OSR2: variants seen among roughly 807,000 people sequenced by gnomAD.
OSR2 encodes the protein protein odd-skipped-related 2.
In OSR2, 8 loss-of-function variants were observed where a neutral mutation model predicts 22.3. The ratio of observed to expected loss-of-function variants is 0.36; its 90% CI spans 0.21 to 0.65. The LOEUF is 0.65. Among genes scored for constraint, OSR2 ranks in the 30% least tolerant of loss-of-function variants. The pLI is 0.66. For synonymous variants in OSR2, 179 were observed against 173.8 expected, an observed-to-expected ratio of 1.03 and a Z score of -0.23; for missense variants, 311 against 413.4, an observed-to-expected ratio of 0.75 and a Z score of 2.15.
chr8:98,945,213 C>T (rs1840571422), intron 1 of OSR2, among the ~76,000 whole-genome samples: 1 of 152,242 alleles, frequency 6.6e-6, no homozygotes, highest in Non-Finnish European at 1.5e-5. Flanking sequence ...CGTGGACGGG[C>T]CCGGACACCC....
rs1294613329 is a variant in OSR2 at position 98,948,765 on chromosome 8, C to T, written c.-114-74C>T. On this transcript the variant is annotated intron_variant, in intron 1 of 3. Coordinates refer to ENST00000297565, the MANE Select transcript of OSR2 (RefSeq NM_001142462.3). The surrounding 1 kb of genome is among the most constrained non-coding windows in gnomAD (Gnocchi z 6.0). ...GGAGACTTAGGTGTGGTAACCTGCG[C>T]AGGTGCCAAAGGGCAGAAGGAGCAG... is the stretch of plus-strand genomic sequence containing the variant. The T allele has an allele frequency of 6.9e-7, 1 of 1,439,252 alleles. No homozygotes were observed. Among genetic ancestry groups the T allele is most frequent in the African/African-American group, 1.4e-5 (1 of 70,282 alleles). 89.2% of individuals were successfully genotyped at this position (1,439,252 alleles called of 1,614,324 possible).
At position 98,944,482 on chromosome 8, in the gene OSR2, C is replaced by T. The variant is rs1011178413; in HGVS notation, c.-456C>T. On this transcript the variant is annotated 5_prime_UTR_variant, in exon 1 of 4. Coordinates refer to ENST00000297565, the MANE Select transcript of OSR2 (RefSeq NM_001142462.3). Reference sequence around the variant, plus strand: ...GCGGGCGGGGACGGAGCTCGGCGTGCTTGCTGCTGGAGGGTGATGGCCCTG... The same window carrying T: ...GCGGGCGGGGACGGAGCTCGGCGTGTTTGCTGCTGGAGGGTGATGGCCCTG... 1 of 152,298 alleles carries T rather than the reference C, an allele frequency of 6.6e-6. No individual in the cohort carries two copies. The highest frequency in any genetic ancestry group is 2.4e-5 in the African/African-American group (1 of 41,460). 9.4% of individuals were successfully genotyped at this position (152,298 alleles called of 1,614,324 possible).
At chr8:98,950,467 T>C (rs1265214464) in intron 2 of OSR2, among the ~76,000 whole-genome samples, 189 bp from the exon 3 acceptor site, 1 of 151,684 alleles carries the variant, frequency 6.6e-6, no homozygotes, top group Non-Finnish European at 1.5e-5. Context: ...CGCGGGCTGG[T>C]GAATATTTTG....
Position 98,951,603 on chromosome 8 carries a change from A to G in OSR2, c.841A>G (p.Ile281Val), listed in dbSNP as rs1161354012. The G allele has an allele frequency of 1.9e-6, 3 of 1,613,844 alleles. No homozygotes were observed. The African/African-American group carries it at 4.0e-5, about 22-fold the overall frequency. The change falls in exon 4 of 4, where the codon ATC (isoleucine) becomes GTC (valine). Residue 281 changes from isoleucine to valine, a missense_variant. Around this residue, in one of 5 missense-constraint regions of OSR2, gnomAD observed 70 missense variants for 84.5 expected, o/e 0.83. Transcript: ENST00000297565. ...AACTCACCTTCTCACCCATACAGACATCAAGCCCTACAGCTGCGAGCAGTG... is the reference window on the plus strand; with the variant it reads ...AACTCACCTTCTCACCCATACAGACGTCAAGCCCTACAGCTGCGAGCAGTG... ...LKTHLLTHTDIKPYSCEQCGK... is the reference protein window; with the variant it reads ...LKTHLLTHTDVKPYSCEQCGK...
At position 98,949,703 on chromosome 8, in the gene OSR2, C is replaced by A; in HGVS notation, c.656+95C>A. The A allele has an allele frequency of 7.1e-7, 1 of 1,418,294 alleles. No homozygotes were observed. The highest frequency in any genetic ancestry group is 2.3e-5 in the East Asian group (1 of 43,316). The allele number at this position is 1,418,294 out of a possible 1,614,324, so 87.9% of individuals were successfully genotyped here. On this transcript the variant is annotated intron_variant, in intron 2 of 3. Transcript: ENST00000297565. This position sits in a 1 kb window ranked among gnomAD's most constrained non-coding sequence, Gnocchi z 5.9. ...GACATTCCCAGTGTCATTATAATCC[C>A]CTGTGATCTAAAATACACCCTCAGT...
chr8:98,948,077 G>T lies in OSR2; in HGVS notation c.-114-762G>T. 1 of 1,324,856 alleles carries T rather than the reference G, an allele frequency of 7.5e-7. No homozygotes were observed. Among genetic ancestry groups the T allele is most frequent in the Non-Finnish European group, 9.7e-7 (1 of 1,034,766 alleles). The allele number at this position is 1,324,856 out of a possible 1,614,324, so 82.1% of individuals were successfully genotyped here. A position where few individuals can be genotyped will look rare whatever the true frequency, so the allele number is the denominator to read the frequency against. ...GGAAGGGATCTTAGTCGGGGGTTGG[G>T]AGGAGAGCCCGTGGATAGGAGGAGG... On this transcript the variant is annotated intron_variant, in intron 1 of 3. Transcript: ENST00000297565. This position sits in a 1 kb window ranked among gnomAD's most constrained non-coding sequence, Gnocchi z 6.0.
intron 1 of OSR2, among the ~76,000 whole-genome samples, chr8:98,945,581 A>C (rs1024016981): frequency 3.3e-5 from 5 of 152,214 alleles, no homozygotes; most frequent in African/African-American, 9.6e-5. Flanking sequence ...TGGGCAGAAC[A>C]AGAAAATTAC....
Position 98,948,376 on chromosome 8 carries a change from G to A in OSR2, c.-114-463G>A, listed in dbSNP as rs1462059926. The A allele has an allele frequency of 4.0e-6, 6 of 1,488,838 alleles. No individual in the cohort carries two copies. In the African/African-American group the frequency reaches 7.1e-5, roughly 18 times the overall value. 92.2% of individuals were successfully genotyped at this position (1,488,838 alleles called of 1,614,324 possible). ...GCGCGTGGGATCTCACGACCCATCC[G>A]TTAACCCACCGTTCCCAGGAGCTCC... On this transcript the variant is annotated intron_variant, in intron 1 of 3. Coordinates refer to ENST00000297565, the MANE Select transcript of OSR2 (RefSeq NM_001142462.3). The surrounding 1 kb of genome is among the most constrained non-coding windows in gnomAD (Gnocchi z 6.0).
chr8:98,947,538 TG>T lies in OSR2; in HGVS notation c.-114-1299del, dbSNP rs540751437. Among the ~76,000 whole-genome samples, 260 of 152,284 alleles carry T rather than the reference TG, an allele frequency of 1.7e-3. 2 individuals carry two copies. Among genetic ancestry groups the T allele is most frequent in the South Asian group, 6.0e-3 (29 of 4,826 alleles). ...GGGTCTGCCCTCAGAGGGAAGGCCC[TG>T]GTCCCCCGAACTGGCAGAACTCCTT... On this transcript the variant is annotated intron_variant, in intron 1 of 3. Coordinates refer to ENST00000297565, the MANE Select transcript of OSR2 (RefSeq NM_001142462.3).
At position 98,948,946 on chromosome 8, in the gene OSR2, C is replaced by G. The variant is rs749531321; in HGVS notation, c.-7C>G. ...TGGTCCCCTCAGCACCCCCAGCATC[C>G]CGGAAAATGGGGAGCAAGGCTCTGC... On this transcript the variant is annotated 5_prime_UTR_variant, in exon 2 of 4. Transcript: ENST00000297565. The surrounding 1 kb of genome is among the most constrained non-coding windows in gnomAD (Gnocchi z 6.0). The G allele has an allele frequency of 1.9e-6, 3 of 1,613,940 alleles. No individual in the cohort carries two copies. The highest frequency in any genetic ancestry group is 1.6e-4 in the Middle Eastern group (1 of 6,062).
At chr8:98,947,652 T>G (rs1840647151) in intron 1 of OSR2, among the ~76,000 whole-genome samples, 1 of 152,174 alleles carries the variant, frequency 6.6e-6, no homozygotes, top group Non-Finnish European at 1.5e-5. Flanking sequence ...AAATCAGACC[T>G]GTGTTGCCAT....
intron 1 of OSR2, among the ~76,000 whole-genome samples, chr8:98,945,085 A>G (rs965958278): frequency 4.6e-5 from 7 of 152,158 alleles, no homozygotes; most frequent in Non-Finnish European, 1.0e-4. Flanking sequence ...GGTCAGCAAG[A>G]CTTCTTATAA....
intron 2 of OSR2, 126 bp from the exon 3 acceptor site, chr8:98,950,530 A>G: frequency 3.1e-6 from 2 of 655,138 alleles, no homozygotes; most frequent in Admixed American, 3.0e-5. Context: ...AAAAAAAAAA[A>G]TCTAAAAACG....
chr8:98,950,970 A>T, intron 3 of OSR2: 1 of 602,710 alleles, frequency 1.7e-6, no homozygotes, highest in South Asian at 2.1e-5. Flanking sequence ...GGCCACTTTG[A>T]TTATCATAAA....
chr8:98,949,275 C>T lies in OSR2; in HGVS notation c.323C>T (p.Ala108Val), dbSNP rs777273417. The T allele has an allele frequency of 6.2e-7, 1 of 1,612,936 alleles. No individual in the cohort carries two copies. Among genetic ancestry groups the T allele is most frequent in the South Asian group, 1.1e-5 (1 of 90,902 alleles). ...KQGAIAHVLPALHKDRPRFDF... is the reference protein window; with the variant it reads ...KQGAIAHVLPVLHKDRPRFDF... ...GGGGCCATTGCCCACGTCCTCCCAG[C>T]CCTGCACAAGGACCGGCCCCGTTTT... Residue 108 changes from alanine to valine, a missense_variant, in exon 2 of 4, where the codon GCC (alanine) becomes GTC (valine). Around this residue, in one of 5 missense-constraint regions of OSR2, gnomAD observed 146 missense variants for 160.5 expected, o/e 0.91. Coordinates refer to ENST00000297565, the MANE Select transcript of OSR2 (RefSeq NM_001142462.3). The surrounding 1 kb of genome is among the most constrained non-coding windows in gnomAD (Gnocchi z 5.9).
In OSR2 at chr8:98,951,768, C is replaced by T; in HGVS notation, c.*67C>T. 6.7e-7 allele frequency: 1 copy of T among 1,503,012 alleles called. No homozygotes were observed. Among genetic ancestry groups the T allele is most frequent in the Non-Finnish European group, 8.9e-7 (1 of 1,118,238 alleles). 93.1% of individuals were successfully genotyped at this position (1,503,012 alleles called of 1,614,324 possible). A position where few individuals can be genotyped will look rare whatever the true frequency, so the allele number is the denominator to read the frequency against. On this transcript the variant is annotated 3_prime_UTR_variant, in exon 4 of 4. Transcript: ENST00000297565. ...CCAGACACCTCTCCACGTCTCCTAC[C>T]CAGGGGGTCGCATCCCTAGCCCTTC...
Position 98,951,853 on chromosome 8 carries a change from C to A in OSR2, c.*152C>A. 1 of 692,488 alleles carries A rather than the reference C, an allele frequency of 1.4e-6. No individual in the cohort carries two copies. The highest frequency in any genetic ancestry group is 2.4e-6 in the Non-Finnish European group (1 of 421,914). 42.9% of individuals were successfully genotyped at this position (692,488 alleles called of 1,614,324 possible). A position where few individuals can be genotyped will look rare whatever the true frequency, so the allele number is the denominator to read the frequency against. ...CTGCAGCTCCAGGGAGTTAACTCTT[C>A]TTCTGGGGGACTGAGAACTGTAGAA... On this transcript the variant is annotated 3_prime_UTR_variant, in exon 4 of 4. Coordinates refer to ENST00000297565, the MANE Select transcript of OSR2 (RefSeq NM_001142462.3).
At position 98,948,404 on chromosome 8, in the gene OSR2, G is replaced by C; in HGVS notation, c.-114-435G>C. On this transcript the variant is annotated intron_variant, in intron 1 of 3. Transcript: ENST00000297565. This position sits in a 1 kb window ranked among gnomAD's most constrained non-coding sequence, Gnocchi z 6.0. Reference sequence around the variant, plus strand: ...AACCCACCGTTCCCAGGAGCTCCGAGGCGCAGCGGCGACAGAGGTTCGCCC... The same window carrying C: ...AACCCACCGTTCCCAGGAGCTCCGACGCGCAGCGGCGACAGAGGTTCGCCC... The C allele has an allele frequency of 7.0e-7, 1 of 1,434,050 alleles. No homozygotes were observed. Among genetic ancestry groups the C allele is most frequent in the Non-Finnish European group, 9.1e-7 (1 of 1,096,384 alleles). The allele number at this position is 1,434,050 out of a possible 1,614,324, so 88.8% of individuals were successfully genotyped here. A position where few individuals can be genotyped will look rare whatever the true frequency, so the allele number is the denominator to read the frequency against.
chr8:98,951,412 T>G, intron 3 of OSR2, 107 bp from the exon 4 acceptor site: 6 of 1,072,698 alleles, frequency 5.6e-6, no homozygotes, highest in Non-Finnish European at 6.7e-6. Context: ...TTTGTTGTCA[T>G]GAGAGTGTTA....
Sources: allele counts gnomAD v4.1 joint callset (sites outside exome capture counted in the v4.1 genomes callset), GRCh38; gene constraint gnomAD v4.1.1; regional missense constraint gnomAD v4.1.1; non-coding constraint Gnocchi (gnomAD v3.1); transcripts MANE v1.5; gene names NCBI Gene and HGNC (gene_info 2026-07-23, HGNC 2026-07-21).